ATP8A2: variants seen among roughly 807,000 people sequenced by gnomAD.
ATP8A2 encodes the protein ATPase phospholipid transporting 8A2, also known as phospholipid-transporting ATPase IB.
Under a neutral mutation model 165.6 loss-of-function variants are expected in ATP8A2, and 100 were observed. The observed-to-expected ratio is 0.60, with a 90% CI of 0.51 to 0.71. ATP8A2 has a LOEUF of 0.71. Ranked by LOEUF, ATP8A2 falls within the 30% of genes least tolerant of loss-of-function variation. The probability of loss-of-function intolerance (pLI) is 0.00; values close to 1 mark genes in which losing one functional copy is unlikely to be tolerated. For synonymous variants in ATP8A2, 543 were observed against 548.8 expected, an observed-to-expected ratio of 0.99 and a Z score of 0.15; for missense variants, 1,227 against 1,479.5, an observed-to-expected ratio of 0.83 and a Z score of 2.80.
At chr13:25,768,059 C>G (rs2044528811) in intron 25 of ATP8A2, among the ~76,000 whole-genome samples, 1 of 93,028 alleles carries the variant, frequency 1.1e-5, no homozygotes, top group African/African-American at 4.5e-5. Flanking sequence ...TGTGTTTATT[C>G]TGTGTGTGTG....
At chr13:25,708,586 C>T (rs1173950992) in intron 25 of ATP8A2, among the ~76,000 whole-genome samples, 2 of 151,992 alleles carry the variant, frequency 1.3e-5, no homozygotes, top group African/African-American at 4.8e-5. Context: ...CTGCCTATGA[C>T]TTTAAAAACC....
intron 24 of ATP8A2, among the ~76,000 whole-genome samples, chr13:25,639,523 C>T (rs4769432): frequency 0.99 from 150,665 of 152,302 alleles, 74,536 homozygotes; most frequent in East Asian, 1. Flanking sequence ...TGCATAATGG[C>T]AAAGGGATCA....
intron 9 of ATP8A2, among the ~76,000 whole-genome samples, chr13:25,542,650 G>C (rs1337017324): frequency 1.3e-5 from 2 of 152,062 alleles, no homozygotes; most frequent in Admixed American, 1.3e-4. Flanking sequence ...CTCTTGCAAT[G>C]TCCTTTATAT....
intron 25 of ATP8A2, among the ~76,000 whole-genome samples, chr13:25,710,403 A>T (rs1218506495): frequency 2.0e-5 from 3 of 152,046 alleles, no homozygotes; most frequent in Non-Finnish European, 4.4e-5. Context: ...CCGTTAGCCA[A>T]CCCCTCTGTA....
chr13:25,820,126 C>G (rs1331023943), intron 27 of ATP8A2, among the ~76,000 whole-genome samples: 2 of 152,192 alleles, frequency 1.3e-5, no homozygotes, highest in Non-Finnish European at 2.9e-5. Flanking sequence ...CAGGTACAAC[C>G]CGCCGAGGTT....
chr13:25,468,125 C>T (rs2035721265), intron 1 of ATP8A2, among the ~76,000 whole-genome samples: 1 of 152,142 alleles, frequency 6.6e-6, no homozygotes, highest in Non-Finnish European at 1.5e-5. Flanking sequence ...CTGGATCCTT[C>T]TCTAGGTCTA....
intron 25 of ATP8A2, among the ~76,000 whole-genome samples, chr13:25,733,652 G>A (rs1356691240): frequency 1.3e-5 from 2 of 152,126 alleles, no homozygotes; most frequent in Non-Finnish European, 2.9e-5. Flanking sequence ...GATTTTAATA[G>A]TTTTTCCAAA....
chr13:25,984,298 A>G (rs1477180002), intron 35 of ATP8A2, among the ~76,000 whole-genome samples: 1 of 151,802 alleles, frequency 6.6e-6, no homozygotes, highest in Non-Finnish European at 1.5e-5. Flanking sequence ...GAGAGTCCAG[A>G]AAGGTGCTAA....
At chr13:25,977,455 C>A (rs1956078421) in intron 35 of ATP8A2, among the ~76,000 whole-genome samples, 2 of 152,120 alleles carry the variant, frequency 1.3e-5, no homozygotes, top group South Asian at 4.2e-4. Context: ...GCCCGCATGA[C>A]CCAGCCGGGC....
intron 33 of ATP8A2, among the ~76,000 whole-genome samples, chr13:25,909,776 A>G (rs570706167): frequency 6.6e-6 from 1 of 152,314 alleles, no homozygotes; most frequent in Non-Finnish European, 1.5e-5. Context: ...CCCGTTACAC[A>G]GTAATTCCCC....
At chr13:25,561,152 A>AT (rs1453557414) in intron 15 of ATP8A2, among the ~76,000 whole-genome samples, 1 of 151,516 alleles carries the variant, frequency 6.6e-6, no homozygotes, top group Non-Finnish European at 1.5e-5. Flanking sequence ...CCCAAAGTGA[A>AT]TTTTTTCCAT....
intron 2 of ATP8A2, among the ~76,000 whole-genome samples, chr13:25,493,916 CAAG>C (rs931629951): frequency 6.6e-6 from 1 of 151,948 alleles, no homozygotes; most frequent in African/African-American, 2.4e-5. Context: ...TTGATTTGGG[CAAG>C]AAGAAGAGAG....
intron 2 of ATP8A2, among the ~76,000 whole-genome samples, chr13:25,524,705 T>C (rs2137866819): frequency 6.6e-6 from 1 of 152,226 alleles, no homozygotes; most frequent in Admixed American, 6.5e-5. Context: ...TCATTCTGTG[T>C]GTGTCTTTAT....
At chr13:25,680,312 A>G (rs539720893) in intron 24 of ATP8A2, among the ~76,000 whole-genome samples, 2 of 152,306 alleles carry the variant, frequency 1.3e-5, no homozygotes, top group East Asian at 1.9e-4. Flanking sequence ...CCATGCGATG[A>G]TGGAGGCTGA....
chr13:25,787,364 A>C (rs1385924515), intron 27 of ATP8A2, among the ~76,000 whole-genome samples: 1 of 152,184 alleles, frequency 6.6e-6, no homozygotes. Flanking sequence ...AATGCATCTG[A>C]GATTCATCCA....
At chr13:25,580,542 A>G (rs2039745571) in intron 22 of ATP8A2, among the ~76,000 whole-genome samples, 1 of 151,858 alleles carries the variant, frequency 6.6e-6, no homozygotes, top group African/African-American at 2.4e-5. Flanking sequence ...TTTTTTAAAT[A>G]TAGAGACAGG....
intron 24 of ATP8A2, among the ~76,000 whole-genome samples, chr13:25,688,345 C>T (rs575690172): frequency 2.4e-4 from 36 of 152,150 alleles, no homozygotes; most frequent in African/African-American, 7.5e-4. Context: ...CCCACCCTCA[C>T]GCACCCTAGT....
intron 33 of ATP8A2, among the ~76,000 whole-genome samples, chr13:25,878,185 G>A (rs1952869724): frequency 6.6e-6 from 1 of 152,162 alleles, no homozygotes; most frequent in Non-Finnish European, 1.5e-5. Context: ...GGGAGGGCCA[G>A]AAGAGAAACC....
chr13:25,404,473 GTGGAGAGTGGCT>G (rs1168165935), intron 1 of ATP8A2, among the ~76,000 whole-genome samples: 1 of 152,116 alleles, frequency 6.6e-6, no homozygotes, highest in Admixed American at 6.5e-5. Context: ...CTGGTTCACC[GTGGAGAGTGGCT>G]TGGAGAGTGG....
Sources: gnomAD v4.1 joint callset for allele counts (sites outside exome capture counted in the v4.1 genomes callset) on GRCh38, gnomAD v4.1.1 for gene constraint, MANE v1.5 for transcripts, NCBI Gene and HGNC (gene_info 2026-07-23, HGNC 2026-07-21) for gene names.